Variants in ANO1 observed in about 807,000 individuals in gnomAD.
ANO1 encodes the protein anoctamin 1.
ANO1 carries 59 observed loss-of-function variants against 124.0 expected under a neutral mutation model. The ratio of observed to expected loss-of-function variants is 0.48; its 90% CI spans 0.39 to 0.59. ANO1 has a LOEUF of 0.59. Ranked by LOEUF, ANO1 falls within the 20% of genes least tolerant of loss-of-function variation. The pLI, the probability that ANO1 is intolerant of heterozygous loss-of-function variation, is 0.00. For synonymous variants in ANO1, 529 were observed against 532.0 expected, an observed-to-expected ratio of 0.99 and a Z score of 0.08; for missense variants, 1,059 against 1,328.0, an observed-to-expected ratio of 0.80 and a Z score of 3.15.
intron 1 of ANO1, 52 bp from the exon 2 acceptor site, chr11:70,087,700 G>T: frequency 1.3e-6 from 2 of 1,485,228 alleles, no homozygotes; most frequent in South Asian, 1.4e-5. Flanking sequence ...CCCTCCAAAG[G>T]CCCATCACGA....
chr11:70,025,480 T>TG (rs1555003071), intron 1 of ANO1, among the ~76,000 whole-genome samples: 3 of 151,766 alleles, frequency 2.0e-5, no homozygotes, highest in Non-Finnish European at 2.9e-5. Context: ...ATGGTGGTGA[T>TG]GGAGGTGATG....
chr11:70,183,816 G>GC (rs1374234677), intron 24 of ANO1, among the ~76,000 whole-genome samples: 2 of 152,222 alleles, frequency 1.3e-5, no homozygotes, highest in Non-Finnish European at 2.9e-5. Flanking sequence ...GTAGGCAAGG[G>GC]CCCTATCTGT....
chr11:70,095,380 AAGAAAG>A (rs1190851285), intron 2 of ANO1, among the ~76,000 whole-genome samples: 6 of 34,484 alleles, frequency 1.7e-4, no homozygotes, highest in African/African-American at 4.9e-4. Flanking sequence ...GAAAGAAAGA[AAGAAAG>A]AAAGAAAGAA....
intron 1 of ANO1, among the ~76,000 whole-genome samples, chr11:70,058,923 C>G (rs1307510235): frequency 2.0e-5 from 3 of 152,000 alleles, no homozygotes; most frequent in Non-Finnish European, 2.9e-5. Flanking sequence ...GTGGCTCACG[C>G]CTGTAATCCC....
intron 8 of ANO1, among the ~76,000 whole-genome samples, chr11:70,122,206 C>T (rs1190731655): frequency 8.4e-6 from 1 of 118,492 alleles, no homozygotes; most frequent in Admixed American, 9.1e-5. Context: ...TCTCCATCTG[C>T]CTCTGTCTCT....
intron 1 of ANO1, among the ~76,000 whole-genome samples, chr11:70,047,662 G>A (rs1238675105): frequency 3.0e-4 from 46 of 152,056 alleles, no homozygotes. Context: ...GATTCTTTTT[G>A]CCATTCAGCC....
At chr11:70,046,354 G>T (rs987385372) in intron 1 of ANO1, among the ~76,000 whole-genome samples, 6 of 152,282 alleles carry the variant, frequency 3.9e-5, no homozygotes, top group Non-Finnish European at 7.4e-5. Flanking sequence ...ACGCCTGGGG[G>T]TGGGAGGCTG....
chr11:69,983,692 A>G (rs145858820), upstream of ANO1, among the ~76,000 whole-genome samples: 94 of 152,358 alleles, frequency 6.2e-4, no homozygotes, highest in Middle Eastern at 0.017. Flanking sequence ...GCCGAGAGCA[A>G]TCTTTTTAAA....
chr11:70,034,080 C>T (rs1292017904), intron 1 of ANO1, among the ~76,000 whole-genome samples: 5 of 152,282 alleles, frequency 3.3e-5, no homozygotes, highest in African/African-American at 7.2e-5. Flanking sequence ...GCCAACCACC[C>T]ACTACGCAAA....
chr11:70,072,007 T>C lies in ANO1; in HGVS notation c.59-6535T>C, dbSNP rs114883340. Among the ~76,000 whole-genome samples, 456 of 152,326 alleles carry C rather than the reference T, an allele frequency of 3.0e-3. 1 individual carries two copies. The highest frequency in any genetic ancestry group is 0.01 in the African/African-American group (435 of 41,566). On this transcript the variant is annotated intron_variant, in intron 1 of 27. Transcript: ENST00000531349. The stretch of plus-strand genomic sequence containing the variant: ...ACATAGATTATTGATTTCCCCTGAT[T>C]ATTTTTACTCTTGTTAGCGTGGATA...
At chr11:69,995,052 T>C (rs1402719293) in intron 1 of ANO1, among the ~76,000 whole-genome samples, 1 of 152,106 alleles carries the variant, frequency 6.6e-6, no homozygotes, top group Non-Finnish European at 1.5e-5. Context: ...TTTATGTTAG[T>C]GTGGTATATG....
intron 22 of ANO1, among the ~76,000 whole-genome samples, chr11:70,178,351 G>A (rs760010797): frequency 1.3e-5 from 2 of 152,200 alleles, no homozygotes; most frequent in Non-Finnish European, 2.9e-5. Context: ...CTGCTAGTGT[G>A]CAGAGCCCAT....
intron 1 of ANO1, among the ~76,000 whole-genome samples, chr11:70,042,274 A>T (rs1452818504): frequency 1.3e-5 from 2 of 152,158 alleles, no homozygotes; most frequent in Non-Finnish European, 2.9e-5. Flanking sequence ...TCCTGAGAAA[A>T]GTGAAGCAAA....
chr11:70,109,178 C>T (rs181762995), intron 6 of ANO1, among the ~76,000 whole-genome samples: 133 of 152,266 alleles, frequency 8.7e-4, no homozygotes, highest in African/African-American at 3.1e-3. Context: ...CCATGGCTCC[C>T]GGGGGACACA....
At chr11:70,014,918 AG>A (rs1856674112) in intron 1 of ANO1, 1 of 150,990 alleles carries the variant, frequency 6.6e-6, no homozygotes, top group Non-Finnish European at 1.5e-5. Flanking sequence ...CCTTTATAAA[AG>A]ATCGCTTTGG....
chr11:69,976,950 C>T, the ANO1 span, among the ~76,000 whole-genome samples: 9 of 152,214 alleles, frequency 5.9e-5, no homozygotes, highest in Non-Finnish European at 8.8e-5. Context: ...GATGGCTGCT[C>T]CAGGGGCTGC....
chr11:70,107,130 T>A (rs1467599043), intron 5 of ANO1, among the ~76,000 whole-genome samples: 1 of 152,000 alleles, frequency 6.6e-6, no homozygotes, highest in Non-Finnish European at 1.5e-5. Flanking sequence ...TCAGAACCGA[T>A]TAGATCTGAG....
At chr11:70,124,304 T>C (rs1208092004) in intron 8 of ANO1, 46 bp from the exon 9 acceptor site, 1 of 1,595,132 alleles carries the variant, frequency 6.3e-7, no homozygotes, top group East Asian at 2.2e-5. Context: ...GGGAGCAACC[T>C]CGGAGTGCCA....
Position 70,095,283 on chromosome 11 carries a change from G to GGAAGGAAGGAAGGAAGGAAGGAAA in ANO1, c.441+7218_441+7219insGGAAAGAAGGAAGGAAGGAAGGAA, listed in dbSNP as rs2044825186. Among the ~76,000 whole-genome samples the GGAAGGAAGGAAGGAAGGAAGGAAA allele has an allele frequency of 4.9e-4, 41 of 84,096 alleles. 5 individuals are homozygous for GGAAGGAAGGAAGGAAGGAAGGAAA. Among genetic ancestry groups the GGAAGGAAGGAAGGAAGGAAGGAAA allele is most frequent in the African/African-American group, 2.2e-3 (37 of 17,174 alleles). The allele number at this position is 84,096 out of a possible 152,430, so 55.2% of individuals were successfully genotyped here. ...AGGAAGGAAGGAAGGAAGGAAGGAA[G>GGAAGGAAGGAAGGAAGGAAGGAAA]GAAGGAAGGAAGGAAGGAAAGAAAG... On this transcript the variant is annotated intron_variant, in intron 2 of 25. Transcript: ENST00000355303.
Sources: allele counts gnomAD v4.1 joint callset (sites outside exome capture counted in the v4.1 genomes callset), GRCh38; gene constraint gnomAD v4.1.1; transcripts MANE v1.5; gene names NCBI Gene and HGNC (gene_info 2026-07-23, HGNC 2026-07-21).